The following NAA60 variants were observed in gnomAD, a reference collection of about 807,000 sequenced individuals.
The protein encoded by NAA60 is N-alpha-acetyltransferase 60.
NAA60 carries 8 observed loss-of-function variants against 26.1 expected under a neutral mutation model. That is an observed-to-expected ratio of 0.31 (90% CI 0.18 to 0.55). The LOEUF is 0.55. Ranked by LOEUF, NAA60 falls within the 20% of genes least tolerant of loss-of-function variation. The probability of loss-of-function intolerance (pLI) is 0.93; values close to 1 mark genes in which losing one functional copy is unlikely to be tolerated. For missense variants in NAA60, 290 were observed against 311.3 expected, an observed-to-expected ratio of 0.93 and a Z score of 0.51; for synonymous variants, 131 against 122.5, an observed-to-expected ratio of 1.07 and a Z score of -0.46.
In NAA60 at chr16:3,479,493, G is replaced by C; in HGVS notation, c.133G>C (p.Asp45His). The C allele has an allele frequency of 6.2e-7, 1 of 1,613,996 alleles. No homozygotes were observed. The highest frequency in any genetic ancestry group is 8.5e-7 in the Non-Finnish European group (1 of 1,179,882). ...PIEYPDSWYR[D>H]ITSNKKFFSL... ...CAGGTACCCAGACTCATGGTATCGT[G>C]ATATCACATCCAACAAGAAGTTCTT... is the stretch of plus-strand genomic sequence containing the variant. Residue 45 changes from aspartate (D) to histidine (H), a missense_variant, in exon 4 of 8, where the codon GAT becomes CAT. By Grantham distance (81) the Asp-to-His change is moderately conservative (BLOSUM62 -1). Transcript: ENST00000407558.
intron 3 of NAA60, 98 bp from the exon 4 acceptor site, chr16:3,479,373 G>C: frequency 7.5e-7 from 1 of 1,333,066 alleles, no homozygotes; most frequent in Admixed American, 2.1e-5. Context: ...GCAGCAGGCA[G>C]AAGTGGCCCA....
In NAA60 at chr16:3,479,269, C is replaced by A. The variant is rs56691813; in HGVS notation, c.111-202C>A. 7.4e-3 allele frequency among the ~76,000 whole-genome samples: 1,121 copies of A among 152,262 alleles called. 21 individuals are homozygous for A. Among genetic ancestry groups the A allele is most frequent in the African/African-American group, 0.026 (1,074 of 41,532 alleles). On this transcript the variant is annotated intron_variant, in intron 3 of 7. Transcript: ENST00000407558. ...AGAAAAAAATTCCCATCAGAGATCC[C>A]CAGTCCTGTCTAGACAGATCACTGC...
chr16:3,448,416 T>TAG, intron 1 of NAA60, 55 bp from the exon 2 acceptor site: 1 of 1,438,152 alleles, frequency 7.0e-7, no homozygotes. Flanking sequence ...CTATGAGTTG[T>TAG]AGAGATGGGA....
chr16:3,443,919 C>T (rs1043295643), intron 1 of NAA60, 82 bp downstream of exon 1: 10 of 1,462,378 alleles, frequency 6.8e-6, no homozygotes, highest in African/African-American at 1.4e-5. Flanking sequence ...GGGGTTCGGG[C>T]CTAGCCTGGG....
intron 2 of NAA60, among the ~76,000 whole-genome samples, chr16:3,450,699 CAAAAAAAA>C (rs539095336): frequency 1.4e-5 from 1 of 73,606 alleles, no homozygotes; most frequent in Admixed American, 1.8e-4. Context: ...GACTCCGTCT[CAAAAAAAA>C]AAAAAAAAAA....
chr16:3,446,230 C>T (rs1353631765), intron 1 of NAA60, among the ~76,000 whole-genome samples: 3 of 152,058 alleles, frequency 2.0e-5, no homozygotes, highest in African/African-American at 7.2e-5. Context: ...AGTATATGTG[C>T]ATTTCAGAAA....
At chr16:3,444,135 A>G (rs1392267499) in intron 1 of NAA60, among the ~76,000 whole-genome samples, 1 of 152,178 alleles carries the variant, frequency 6.6e-6, no homozygotes, top group Non-Finnish European at 1.5e-5. Flanking sequence ...CCACGCGAGA[A>G]TAGAGCCATA....
chr16:3,443,691 G>T lies in NAA60; in HGVS notation c.-223G>T. 1 of 1,405,018 alleles carries T rather than the reference G, an allele frequency of 7.1e-7. No individual in the cohort carries two copies. The highest frequency in any genetic ancestry group is 1.5e-5 in the African/African-American group (1 of 68,224). The allele number at this position is 1,405,018 out of a possible 1,614,324, so 87.0% of individuals were successfully genotyped here. ...CTAAGCAACCATTTCCGCTTCCGCT[G>T]GCGGGGTCTCCTCCGTGAGCTCCGG... is the stretch of plus-strand genomic sequence containing the variant. On this transcript the variant is annotated 5_prime_UTR_variant, in exon 1 of 8. Coordinates refer to ENST00000407558, the MANE Select transcript of NAA60 (RefSeq NM_001083601.3).
intron 2 of NAA60, among the ~76,000 whole-genome samples, chr16:3,459,530 A>T (rs190442681): frequency 1.3e-5 from 2 of 152,366 alleles, no homozygotes; most frequent in Admixed American, 1.3e-4. Context: ...GGTTCATCAC[A>T]GCAGTGAAGG....
chr16:3,448,660 T>C (rs1454777056), intron 2 of NAA60, 120 bp downstream of exon 2: 1 of 797,816 alleles, frequency 1.3e-6, no homozygotes, highest in Admixed American at 3.0e-5. Context: ...TTTTTAGTAC[T>C]GAATGATAGA....
intron 2 of NAA60, among the ~76,000 whole-genome samples, chr16:3,469,026 C>G (rs1428095606): frequency 2.0e-5 from 3 of 149,666 alleles, no homozygotes; most frequent in African/African-American, 7.4e-5. Context: ...GCAGAAGTTG[C>G]AGTGAGCCAA....
chr16:3,448,206 C>T (rs550365648), intron 1 of NAA60, among the ~76,000 whole-genome samples: 1 of 145,092 alleles, frequency 6.9e-6, no homozygotes, highest in African/African-American at 2.6e-5. Flanking sequence ...TCCAGGAGTT[C>T]GAGGCTGCAG....
rs1050659781 is a variant in NAA60, at chr16:3,483,384, T to G, written c.359T>G (p.Leu120Ter). The change falls in exon 6 of 8, where the codon TTA becomes TGA. Residue 120 changes from leucine to a stop codon, truncating the protein, a stop_gained. Coordinates refer to ENST00000407558, the MANE Select transcript of NAA60 (RefSeq NM_001083601.3). LOFTEE classifies it high-confidence loss of function. ...HGIGSLLLES[L>*]KDHISTTAQD... is the part of the protein sequence containing the mutation. ...CAAGGTTCCCTCTTACTTGAAAGTTTAAAGGATCACATATCAACCACCGCC... is the reference window on the plus strand; with the variant it reads ...CAAGGTTCCCTCTTACTTGAAAGTTGAAAGGATCACATATCAACCACCGCC... 1.9e-6 allele frequency: 3 copies of G among 1,612,382 alleles called. No homozygotes were observed. The highest frequency in any genetic ancestry group is 8.5e-7 in the Non-Finnish European group (1 of 1,179,060).
Position 3,484,903 on chromosome 16 carries a change from G to T in NAA60, c.*48G>T. Reference sequence around the variant, plus strand: ...AGGCCCCACCCTTCGGCCGCCCGCAGAGCCCGCCTTCCTGTCCATCTGACC... The same window carrying T: ...AGGCCCCACCCTTCGGCCGCCCGCATAGCCCGCCTTCCTGTCCATCTGACC... On this transcript the variant is annotated 3_prime_UTR_variant, in exon 7 of 8. Coordinates refer to ENST00000407558, the MANE Select transcript of NAA60 (RefSeq NM_001083601.3). The T allele has an allele frequency of 2.6e-6, 4 of 1,548,596 alleles. No homozygotes were observed. The highest frequency in any genetic ancestry group is 2.4e-5 in the South Asian group (2 of 84,054).
chr16:3,478,086 AAT>A (rs2036596829), intron 3 of NAA60, among the ~76,000 whole-genome samples: 4 of 150,732 alleles, frequency 2.7e-5, no homozygotes, highest in African/African-American at 4.9e-5. Context: ...TAATAATAAT[AAT>A]AAATAGGCCT....
chr16:3,450,479 T>C (rs2034732392), intron 2 of NAA60, among the ~76,000 whole-genome samples: 1 of 151,962 alleles, frequency 6.6e-6, no homozygotes, highest in African/African-American at 2.4e-5. Flanking sequence ...GGCAGGCGGA[T>C]CACAAGGTCA....
At position 3,485,589 on chromosome 16, in the gene NAA60, C is replaced by T. The variant is rs1256896450; in HGVS notation, c.*329C>T. ...CTGCATTCACTGGGAGGGGCCTGCC[C>T]TCACTGGGCCTCTCCCACTCCGCTG... On this transcript the variant is annotated 3_prime_UTR_variant, in exon 8 of 8. Transcript: ENST00000407558. The T allele has an allele frequency of 2.2e-6, 1 of 455,844 alleles. No individual in the cohort carries two copies. Among genetic ancestry groups the T allele is most frequent in the African/African-American group, 2.0e-5 (1 of 50,086 alleles). 28.2% of individuals were successfully genotyped at this position (455,844 alleles called of 1,614,324 possible).
Position 3,483,179 on chromosome 16 carries a change from A to G in NAA60, c.338-184A>G, listed in dbSNP as rs537981427. Among the ~76,000 whole-genome samples, 11 of 152,310 alleles carry G rather than the reference A, an allele frequency of 7.2e-5. No individual in the cohort carries two copies. In the East Asian group the frequency reaches 2.1e-3, roughly 29 times the overall value. On this transcript the variant is annotated intron_variant, in intron 5 of 7. Transcript: ENST00000407558. Reference sequence around the variant, plus strand: ...TCTGCAGTCCCTCCCAGCAGTCTGTAGCTACCAGGCTCCATCTGGCCATGA... The same window carrying G: ...TCTGCAGTCCCTCCCAGCAGTCTGTGGCTACCAGGCTCCATCTGGCCATGA...
Position 3,450,427 on chromosome 16 carries a change from G to A in NAA60, c.-7+1887G>A, listed in dbSNP as rs189165135. 1.3e-3 allele frequency among the ~76,000 whole-genome samples: 200 copies of A among 152,268 alleles called. 2 individuals are homozygous for A. The highest frequency in any genetic ancestry group is 4.4e-3 in the African/African-American group (184 of 41,558). On this transcript the variant is annotated intron_variant, in intron 2 of 7. Transcript: ENST00000407558. The stretch of plus-strand genomic sequence containing the variant: ...CAGGAAAGTTGTGCTCCTGCTGGGC[G>A]CAGTGGCTCATGCCTGTAATCCCAG...
Sources: allele counts gnomAD v4.1 joint callset (sites outside exome capture counted in the v4.1 genomes callset), GRCh38; gene constraint gnomAD v4.1.1; transcripts MANE v1.5; gene names NCBI Gene and HGNC (gene_info 2026-07-23, HGNC 2026-07-21).